Variants in TACR3 observed in about 807,000 individuals in gnomAD.
The protein encoded by TACR3 is tachykinin receptor 3, also known as neuromedin-K receptor.
Under a neutral mutation model 35.0 loss-of-function variants are expected in TACR3, and 34 were observed. The observed-to-expected ratio is 0.97, with a 90% CI of 0.74 to 1.30. The LOEUF (loss-of-function observed/expected upper bound fraction) is 1.30, where lower values mean the gene tolerates loss of function less well. TACR3 is among the 50% of genes most tolerant of loss of function. The probability of loss-of-function intolerance (pLI) is 0.00; values close to 1 mark genes in which losing one functional copy is unlikely to be tolerated. For missense variants in TACR3, 558 were observed against 591.7 expected, an observed-to-expected ratio of 0.94 and a Z score of 0.59; for synonymous variants, 233 against 221.1, an observed-to-expected ratio of 1.05 and a Z score of -0.48.
At chr4:103,689,372 C>T (rs1283218757) in intron 1 of TACR3, among the ~76,000 whole-genome samples, 2 of 151,540 alleles carry the variant, frequency 1.3e-5, no homozygotes, top group Non-Finnish European at 2.9e-5. Context: ...GCACATTGTG[C>T]ACATGTACCC....
intron 1 of TACR3, among the ~76,000 whole-genome samples, chr4:103,717,060 T>C (rs559671756): frequency 2.6e-5 from 4 of 152,290 alleles, no homozygotes; most frequent in Admixed American, 2.6e-4. Context: ...ATAAAATGAC[T>C]GAAAACAGCA....
chr4:103,604,441 A>T (rs900582080), intron 3 of TACR3, among the ~76,000 whole-genome samples: 3 of 152,200 alleles, frequency 2.0e-5, no homozygotes, highest in Admixed American at 6.5e-5. Flanking sequence ...AAAACCCTAG[A>T]AGAAAACCTA....
intron 1 of TACR3, among the ~76,000 whole-genome samples, chr4:103,713,564 A>C (rs1723020047): frequency 6.6e-6 from 1 of 151,948 alleles, no homozygotes; most frequent in African/African-American, 2.4e-5. Context: ...TGGCACATGT[A>C]TACATACGTG....
rs186058405 is a variant in TACR3 at position 103,604,486 on chromosome 4, A to T, written c.889-12803T>A. Among the ~76,000 whole-genome samples, 444 of 152,310 alleles carry T rather than the reference A, an allele frequency of 2.9e-3. 1 individual carries two copies. Among genetic ancestry groups the T allele is most frequent in the Non-Finnish European group, 5.1e-3 (349 of 68,036 alleles). The stretch of plus-strand genomic sequence containing the variant: ...ATTCAGGATGTAGACATGAGAAAAG[A>T]CTTCATGATTAAAACACCAAAAGCA... On this transcript the variant is annotated intron_variant, in intron 3 of 4. Coordinates refer to ENST00000304883, the MANE Select transcript of TACR3 (RefSeq NM_001059.3).
chr4:103,709,220 T>G (rs1722878356), intron 1 of TACR3, among the ~76,000 whole-genome samples: 1 of 151,952 alleles, frequency 6.6e-6, no homozygotes, highest in African/African-American at 2.4e-5. Context: ...TCACCAAAGT[T>G]GAAATGAAGG....
chr4:103,615,426 A>G (rs1469190800), intron 3 of TACR3, among the ~76,000 whole-genome samples: 1 of 136,666 alleles, frequency 7.3e-6, no homozygotes, highest in African/African-American at 2.8e-5. Flanking sequence ...AGAGAGAGAG[A>G]GAGAGGGAAA....
At chr4:103,602,630 T>A (rs1450497801) in intron 3 of TACR3, among the ~76,000 whole-genome samples, 1 of 152,036 alleles carries the variant, frequency 6.6e-6, no homozygotes, top group Non-Finnish European at 1.5e-5. Context: ...GCTGCAGGTC[T>A]GTTGGAGTTT....
At chr4:103,657,284 G>A (rs1725751602) in intron 2 of TACR3, among the ~76,000 whole-genome samples, 2 of 151,680 alleles carry the variant, frequency 1.3e-5, no homozygotes, top group Admixed American at 1.3e-4. Context: ...CCATTTCTCA[G>A]TAGATTACTA....
intron 1 of TACR3, among the ~76,000 whole-genome samples, chr4:103,668,496 A>G (rs1332957299): frequency 6.6e-6 from 1 of 152,082 alleles, no homozygotes; most frequent in African/African-American, 2.4e-5. Context: ...TTTTGTTGGT[A>G]TGTAAGAATG....
intron 1 of TACR3, among the ~76,000 whole-genome samples, chr4:103,708,250 T>C (rs1722844860): frequency 6.6e-6 from 1 of 152,108 alleles, no homozygotes; most frequent in Admixed American, 6.5e-5. Flanking sequence ...GAGGTACCCC[T>C]CCAGTAGGGG....
intron 1 of TACR3, among the ~76,000 whole-genome samples, chr4:103,713,760 G>T (rs1032853450): frequency 6.6e-6 from 1 of 152,042 alleles, no homozygotes; most frequent in Admixed American, 6.6e-5. Flanking sequence ...AAGAAAACAG[G>T]CCCAGAACTT....
chr4:103,617,939 A>G (rs1724697328), intron 3 of TACR3, among the ~76,000 whole-genome samples: 1 of 152,162 alleles, frequency 6.6e-6, no homozygotes, highest in Admixed American at 6.5e-5. Context: ...AAAAAATATC[A>G]CCAGATGTCA....
intron 3 of TACR3, among the ~76,000 whole-genome samples, chr4:103,597,942 A>G (rs1164681668): frequency 6.6e-6 from 1 of 152,172 alleles, no homozygotes; most frequent in Non-Finnish European, 1.5e-5. Context: ...TAACAGCATG[A>G]TTTATAATCC....
intron 1 of TACR3, among the ~76,000 whole-genome samples, chr4:103,677,366 C>G (rs1726191718): frequency 6.6e-6 from 1 of 151,822 alleles, no homozygotes; most frequent in Non-Finnish European, 1.5e-5. Context: ...TGATATATAC[C>G]CAAAGGAATA....
intron 3 of TACR3, among the ~76,000 whole-genome samples, chr4:103,612,918 G>C (rs974679040): frequency 6.6e-6 from 1 of 152,138 alleles, no homozygotes; most frequent in Non-Finnish European, 1.5e-5. Context: ...ATAAATAGAT[G>C]AATGGTACAA....
At position 103,698,552 on chromosome 4, in the gene TACR3, T is replaced by G. The variant is rs570571557; in HGVS notation, c.548+20576A>C. Among the ~76,000 whole-genome samples the G allele has an allele frequency of 7.2e-5, 11 of 152,120 alleles. No homozygotes were observed. The South Asian group carries it at 2.3e-3, about 32-fold the overall frequency. On this transcript the variant is annotated intron_variant, in intron 1 of 4. Coordinates refer to ENST00000304883, the MANE Select transcript of TACR3 (RefSeq NM_001059.3). ...GGATATTTTCTTTTCTTTTTTTTCTTTTTTTGGTAAAATAAAGAACATTAA... is the reference window on the plus strand; with the variant it reads ...GGATATTTTCTTTTCTTTTTTTTCTGTTTTTGGTAAAATAAAGAACATTAA...
chr4:103,630,960 G>A (rs1725045097), intron 3 of TACR3, among the ~76,000 whole-genome samples: 1 of 152,180 alleles, frequency 6.6e-6, no homozygotes, highest in African/African-American at 2.4e-5. Flanking sequence ...ACTGGATTAA[G>A]AAAATGTGGC....
At chr4:103,629,561 T>C (rs1452588654) in intron 3 of TACR3, among the ~76,000 whole-genome samples, 1 of 151,900 alleles carries the variant, frequency 6.6e-6, no homozygotes, top group Non-Finnish European at 1.5e-5. Flanking sequence ...GAGAATAAAA[T>C]ACCTGGGAAT....
intron 3 of TACR3, among the ~76,000 whole-genome samples, chr4:103,602,796 C>T (rs1724240951): frequency 6.6e-6 from 1 of 152,134 alleles, no homozygotes. Flanking sequence ...TTAGTCCAGC[C>T]CTACTGGAGG....
Sources: allele counts gnomAD v4.1 joint callset (sites outside exome capture counted in the v4.1 genomes callset), GRCh38; gene constraint gnomAD v4.1.1; transcripts MANE v1.5; gene names NCBI Gene and HGNC (gene_info 2026-07-23, HGNC 2026-07-21).